Variants in KAZN observed in about 807,000 individuals in gnomAD.
KAZN encodes the protein kazrin, periplakin interacting protein.
A neutral mutation model predicts 87.4 loss-of-function variants in KAZN; 40 were observed. The ratio of observed to expected loss-of-function variants is 0.46; its 90% confidence interval spans 0.36 to 0.60. KAZN has a LOEUF of 0.60. KAZN is among the 20% of genes least tolerant of loss of function. The pLI, the probability that KAZN is intolerant of heterozygous loss-of-function variation, is 0.00. For synonymous variants in KAZN, 466 were observed against 458.3 expected (o/e 1.02, Z -0.22); for missense variants, 898 against 1,073.9 (o/e 0.84, Z 2.29).
At chr1:14,782,513 A>C (rs532027627) in intron 1 of KAZN, among the ~76,000 whole-genome samples, 1 of 139,606 alleles carries the variant, frequency 7.2e-6, no homozygotes, top group East Asian at 2.1e-4. Flanking sequence ...GCGTCATTAC[A>C]CTCCAGTCTG....
intron 1 of KAZN, among the ~76,000 whole-genome samples, chr1:14,644,240 G>A (rs1456044261): frequency 6.6e-6 from 1 of 151,432 alleles, no homozygotes; most frequent in Admixed American, 6.6e-5. Flanking sequence ...TTGAACTCCT[G>A]ACCTGAGGTG....
intron 1 of KAZN, among the ~76,000 whole-genome samples, chr1:13,922,286 A>G (rs1421134941): frequency 2.6e-5 from 4 of 152,214 alleles, no homozygotes; most frequent in African/African-American, 9.6e-5. Flanking sequence ...GTGAAGATAC[A>G]GAAAGATCAC....
chr1:14,856,579 T>C lies in KAZN; in HGVS notation c.227-104105T>C, dbSNP rs771821309. On this transcript the variant is annotated intron_variant, in intron 1 of 14. Transcript: ENST00000376030. This position sits in a 1 kb window ranked among gnomAD's most constrained non-coding sequence, Gnocchi z 5.2. ...TCATTAGTATAAAACATTCCATATT[T>C]TATTTCTATTTTGGTAGCTCAACAA... 1.3e-5 allele frequency among the ~76,000 whole-genome samples: 2 copies of C among 152,230 alleles called. No individual in the cohort carries two copies. The highest frequency in any genetic ancestry group is 4.8e-5 in the African/African-American group (2 of 41,458).
chr1:14,736,018 G>T (rs1643886827), intron 1 of KAZN, among the ~76,000 whole-genome samples: 1 of 152,128 alleles, frequency 6.6e-6, no homozygotes, highest in African/African-American at 2.4e-5. Context: ...GCACCCTAGA[G>T]ATAAGACAGG....
chr1:14,507,232 C>A (rs1188454736), intron 2 of KAZN, among the ~76,000 whole-genome samples: 1 of 152,148 alleles, frequency 6.6e-6, no homozygotes, highest in African/African-American at 2.4e-5. Flanking sequence ...TGCATAAGAT[C>A]CCTCTCCGAA....
chr1:15,034,851 G>A lies in KAZN; in HGVS notation c.521G>A (p.Arg174Gln), dbSNP rs746895199. 6 of 1,613,998 alleles carry A rather than the reference G, an allele frequency of 3.7e-6. No individual in the cohort carries two copies. The highest frequency in any genetic ancestry group is 1.7e-5 in the Admixed American group (1 of 60,012). Residue 174 changes from arginine (R) to glutamine (Q), a missense_variant, in exon 3 of 15, where the codon CGA becomes CAA. Transcript: ENST00000376030. ...ATLESREEQLRDFIRNYEQHR... is the reference protein window; with the variant it reads ...ATLESREEQLQDFIRNYEQHR... ...CTGGAGAGCCGCGAGGAGCAGCTCC[G>A]AGACTTCATCCGCAACTATGAGCAG...
chr1:14,357,641 G>C (rs1659148496), intron 2 of KAZN, among the ~76,000 whole-genome samples: 1 of 152,186 alleles, frequency 6.6e-6, no homozygotes, highest in Non-Finnish European at 1.5e-5. Flanking sequence ...AAGCGGTGTT[G>C]AATTTTATCA....
At chr1:14,771,517 T>C (rs534098882) in intron 1 of KAZN, among the ~76,000 whole-genome samples, 2 of 152,076 alleles carry the variant, frequency 1.3e-5, no homozygotes, top group Admixed American at 1.3e-4. Flanking sequence ...GTGTCCCTTT[T>C]GGTTGGGGAA....
At chr1:13,909,128 A>T (rs1189318984) in intron 1 of KAZN, among the ~76,000 whole-genome samples, 1 of 152,160 alleles carries the variant, frequency 6.6e-6, no homozygotes, top group African/African-American at 2.4e-5. Flanking sequence ...AACATTTCTT[A>T]TGGAAGTACA....
chr1:14,108,149 C>G (rs1477444052), intron 1 of KAZN, among the ~76,000 whole-genome samples: 1 of 151,882 alleles, frequency 6.6e-6, no homozygotes, highest in East Asian at 1.9e-4. Flanking sequence ...TTTTTTGTAC[C>G]CCAAACTCCT....
chr1:14,965,982 C>CTTTTTTTTTTTTTTTT (rs71306999), intron 2 of KAZN, among the ~76,000 whole-genome samples: 1 of 129,190 alleles, frequency 7.7e-6, no homozygotes, highest in African/African-American at 3.0e-5. Context: ...CTTTCCTTTT[C>CTTTTTTTTTTTTTTTT]TTTTTTTTTT....
chr1:15,114,531 T>A lies in KAZN; in HGVS notation c.2224T>A (p.Tyr742Asn). Residue 742 changes from tyrosine to asparagine, a missense_variant, in exon 15 of 15, where the codon TAT becomes AAT. Tyr to Asn is a moderately radical substitution (Grantham distance 143). This residue lies in a region of KAZN where 127 missense variants were observed against 121.5 expected (regional missense o/e 1.04). Coordinates refer to ENST00000376030, the MANE Select transcript of KAZN (RefSeq NM_201628.3). ...CAAAGATCCCGATTTCCATGATGACTATGGCTCTCTTCAAAACGAAGATTG... is the reference window on the plus strand; with the variant it reads ...CAAAGATCCCGATTTCCATGATGACAATGGCTCTCTTCAAAACGAAGATTG... ...SSKDPDFHDD[Y>N]GSLQNEDCGD... 1 of 1,611,860 alleles carries A rather than the reference T, an allele frequency of 6.2e-7. No homozygotes were observed. Among genetic ancestry groups the A allele is most frequent in the Non-Finnish European group, 8.5e-7 (1 of 1,179,068 alleles).
At chr1:14,393,784 T>C (rs1662652714) in intron 2 of KAZN, among the ~76,000 whole-genome samples, 1 of 148,526 alleles carries the variant, frequency 6.7e-6, no homozygotes, top group South Asian at 2.1e-4. Context: ...GATGCAGAGG[T>C]TGCAGTAAGC....
At chr1:15,047,671 T>C (rs1312922640) in intron 4 of KAZN, among the ~76,000 whole-genome samples, 1 of 152,074 alleles carries the variant, frequency 6.6e-6, no homozygotes, top group Non-Finnish European at 1.5e-5. Flanking sequence ...CTCGGGAGGC[T>C]GAGGCAGGAC....
At chr1:14,253,735 C>T (rs1650255380) in intron 2 of KAZN, among the ~76,000 whole-genome samples, 1 of 152,086 alleles carries the variant, frequency 6.6e-6, no homozygotes, top group African/African-American at 2.4e-5. Flanking sequence ...CCTTTATTCT[C>T]CCCTCTGCAG....
chr1:14,978,613 C>G (rs914669621), intron 2 of KAZN, among the ~76,000 whole-genome samples: 1 of 152,140 alleles, frequency 6.6e-6, no homozygotes, highest in Non-Finnish European at 1.5e-5. Flanking sequence ...TCTGGAAATT[C>G]AGGTCCCCAC....
chr1:14,883,355 A>AGAGAGAGAGAGAGAGAAAG (rs1553150619), intron 1 of KAZN, among the ~76,000 whole-genome samples: 1 of 20,600 alleles, frequency 4.9e-5, no homozygotes, highest in South Asian at 3.4e-3. Flanking sequence ...AGAAAGAAAG[A>AGAGAGAGAGAGAGAGAAAG]AAAGAAAGAA....
intron 1 of KAZN, among the ~76,000 whole-genome samples, chr1:13,991,660 C>T (rs570241745): frequency 6.6e-6 from 1 of 152,150 alleles, no homozygotes; most frequent in South Asian, 2.1e-4. Context: ...TACTGGCTCA[C>T]AAAATTCTGG....
intron 2 of KAZN, among the ~76,000 whole-genome samples, chr1:14,419,863 T>C (rs1557708641): frequency 2.0e-5 from 3 of 152,072 alleles, no homozygotes; most frequent in Admixed American, 6.5e-5. Context: ...CGGCGAGTAT[T>C]ACAGCTCGCA....
Sources: gnomAD v4.1 joint callset for allele counts (sites outside exome capture counted in the v4.1 genomes callset) on GRCh38, gnomAD v4.1.1 for gene constraint, gnomAD v4.1.1 regional missense constraint, Gnocchi (gnomAD v3.1) non-coding constraint, MANE v1.5 for transcripts, NCBI Gene and HGNC (gene_info 2026-07-23, HGNC 2026-07-21) for gene names.